Variants in ADGRL4 observed in about 807,000 individuals in gnomAD.
ADGRL4 encodes the protein adhesion G protein-coupled receptor L4.
ADGRL4 carries 90 observed loss-of-function variants against 74.8 expected under a neutral mutation model. The observed-to-expected ratio is 1.20, with a 90% CI of 1.02 to 1.43. The LOEUF is 1.43. Ranked by LOEUF, ADGRL4 falls within the 40% of genes most tolerant of loss-of-function variation. The probability of loss-of-function intolerance (pLI) is 0.00; values close to 1 mark genes in which losing one functional copy is unlikely to be tolerated. For synonymous variants in ADGRL4, 311 were observed against 279.2 expected (o/e 1.11, Z -1.14); for missense variants, 881 against 814.3 (o/e 1.08, Z -1.00).
chr1:78,909,512 C>G (rs1013670067), intron 12 of ADGRL4, among the ~76,000 whole-genome samples: 1 of 151,846 alleles, frequency 6.6e-6, no homozygotes, highest in Non-Finnish European at 1.5e-5. Context: ...ATAGCACAGA[C>G]AGGACAGCCT....
chr1:78,949,409 G>A (rs897038470), intron 2 of ADGRL4, among the ~76,000 whole-genome samples: 2 of 152,180 alleles, frequency 1.3e-5, no homozygotes, highest in Non-Finnish European at 1.5e-5. Flanking sequence ...AATTTGGAAA[G>A]AAAAATATTT....
At chr1:78,924,830 C>T (rs990619855) in intron 8 of ADGRL4, among the ~76,000 whole-genome samples, 6 of 151,900 alleles carry the variant, frequency 3.9e-5, no homozygotes, top group African/African-American at 9.7e-5. Context: ...TAAGCATGAG[C>T]GGATGGATAG....
At chr1:78,892,059 T>C (rs1407778693) in intron 13 of ADGRL4, among the ~76,000 whole-genome samples, 2 of 152,012 alleles carry the variant, frequency 1.3e-5, no homozygotes, top group African/African-American at 4.8e-5. Context: ...GTAAGACATA[T>C]ATCTGTTAGG....
At chr1:78,976,393 T>C (rs1323492743) in intron 2 of ADGRL4, among the ~76,000 whole-genome samples, 1 of 151,890 alleles carries the variant, frequency 6.6e-6, no homozygotes, top group Non-Finnish European at 1.5e-5. Context: ...AGTATTTTTT[T>C]CACTTGTTAA....
At chr1:78,978,631 C>T (rs1399952720) in intron 2 of ADGRL4, among the ~76,000 whole-genome samples, 1 of 151,832 alleles carries the variant, frequency 6.6e-6, no homozygotes, top group Non-Finnish European at 1.5e-5. Context: ...TTACCATACG[C>T]ACAAGAGCAG....
Position 78,891,626 on chromosome 1 carries a change from GAGAACCCCAA to G in ADGRL4, c.1898_1907del (p.Phe633SerfsTer54). 3.7e-6 allele frequency: 6 copies of G among 1,613,462 alleles called. No individual in the cohort carries two copies. The highest frequency in any genetic ancestry group is 5.1e-6 in the Non-Finnish European group (6 of 1,179,690). ...TAACCACTGATGCGTGCACAACATG[GAGAACCCCAA>G]AGATCCAGGTGGTGCCGAGAAGGAA... On this transcript the variant is annotated frameshift_variant, in exon 14 of 15. Transcript: ENST00000370742. LOFTEE classifies it high-confidence loss of function.
At chr1:79,006,610 G>T (rs1402729281) in intron 1 of ADGRL4, 23 bp downstream of exon 1, 5 of 1,535,752 alleles carry the variant, frequency 3.3e-6, no homozygotes, top group Non-Finnish European at 4.4e-6. Context: ...CGACCTCGGC[G>T]ACCAGGGGCG....
chr1:78,994,501 C>T (rs1204426288), intron 2 of ADGRL4, among the ~76,000 whole-genome samples: 4 of 152,114 alleles, frequency 2.6e-5, no homozygotes, highest in Non-Finnish European at 5.9e-5. Flanking sequence ...TAAGAACTAG[C>T]CATTCTCCTC....
chr1:78,890,922 T>C lies in ADGRL4; in HGVS notation c.*232A>G. On this transcript the variant is annotated 3_prime_UTR_variant, in exon 15 of 15. Transcript: ENST00000370742. ...CCAATTACTTTCCAAATATCTGCAA[T>C]ACTATTTTTGACAGAACTATTTCAC... 2.0e-6 allele frequency: 1 copy of C among 508,514 alleles called. No homozygotes were observed. Among genetic ancestry groups the C allele is most frequent in the Non-Finnish European group, 3.6e-6 (1 of 280,750 alleles). The allele number at this position is 508,514 out of a possible 1,614,324, so 31.5% of individuals were successfully genotyped here.
At chr1:78,981,694 T>C (rs1341569174) in intron 2 of ADGRL4, among the ~76,000 whole-genome samples, 1 of 151,834 alleles carries the variant, frequency 6.6e-6, no homozygotes, top group African/African-American at 2.4e-5. Context: ...CAGAAATAAA[T>C]AAAGTTCTAT....
Position 79,005,226 on chromosome 1 carries a change from A to G in ADGRL4, c.23-7T>C. On this transcript the variant is annotated splice_region_variant and splice_polypyrimidine_tract_variant and intron_variant, in intron 1 of 14. Transcript: ENST00000370742. ...AACAAAGTGGAAAAAACCACTAAATAAAATAGAGAAATACACCTTTTCAAA... is the reference window on the plus strand; with the variant it reads ...AACAAAGTGGAAAAAACCACTAAATGAAATAGAGAAATACACCTTTTCAAA... The G allele has an allele frequency of 6.3e-7, 1 of 1,598,336 alleles. No individual in the cohort carries two copies. Among genetic ancestry groups the G allele is most frequent in the Non-Finnish European group, 8.5e-7 (1 of 1,172,558 alleles).
At chr1:78,991,115 A>G (rs995856532) in intron 2 of ADGRL4, among the ~76,000 whole-genome samples, 4 of 152,062 alleles carry the variant, frequency 2.6e-5, no homozygotes, top group Non-Finnish European at 5.9e-5. Context: ...TAAATGTTAA[A>G]TACAACTTCA....
chr1:79,006,306 C>T (rs759056445), intron 1 of ADGRL4, among the ~76,000 whole-genome samples: 14 of 152,152 alleles, frequency 9.2e-5, no homozygotes, highest in Non-Finnish European at 1.8e-4. Flanking sequence ...GCCCGGCAAT[C>T]CCCTTAAAAT....
chr1:78,969,091 T>C (rs563363491), intron 2 of ADGRL4, among the ~76,000 whole-genome samples: 46 of 152,234 alleles, frequency 3.0e-4, no homozygotes, highest in Admixed American at 3.3e-4. Flanking sequence ...TTTTGAACTA[T>C]TTACAGCCTT....
In ADGRL4 at chr1:78,891,678, C is replaced by T. The variant is rs747533033; in HGVS notation, c.1856G>A (p.Gly619Glu). 6.2e-7 allele frequency: 1 copy of T among 1,611,520 alleles called. No homozygotes were observed. The highest frequency in any genetic ancestry group is 1.7e-5 in the Admixed American group (1 of 59,612). ...GAGAAGGAACAGAAGAGCGAGGGCT[C>T]CTCTTGCACAAGACCTATCACATAT... is the stretch of plus-strand genomic sequence containing the variant. The part of the protein sequence containing the change: ...CFENIRSCAR[G>E]ALALLFLLGT... Residue 619 changes from glycine to glutamate, a missense_variant, in exon 14 of 15, where the codon GGA (glycine) becomes GAA (glutamate). Coordinates refer to ENST00000370742, the MANE Select transcript of ADGRL4 (RefSeq NM_022159.4).
rs774151358 is a variant in ADGRL4 at position 79,006,654 on chromosome 1, T to TTGGCGGTGGCCGCAGTGG, written c.-18_-1dup. The TTGGCGGTGGCCGCAGTGG allele has an allele frequency of 2.3e-5, 35 of 1,507,462 alleles. No homozygotes were observed. The highest frequency in any genetic ancestry group is 8.1e-5 in the East Asian group (3 of 37,176). 93.4% of individuals were successfully genotyped at this position (1,507,462 alleles called of 1,614,324 possible). On this transcript the variant is annotated 5_prime_UTR_variant, in exon 1 of 15. Transcript: ENST00000370742. ...TCACCTAGGAGCGGGAGGCGTTTCA[T>TTGGCGGTGGCCGCAGTGG]TGGCGGTGGCCGCAGTGGTGGCGGT...
At position 78,921,754 on chromosome 1, in the gene ADGRL4, A is replaced by C. The variant is rs1649005296; in HGVS notation, c.1116T>G (p.Phe372Leu). The change falls in exon 9 of 15, where the codon TTT becomes TTG. Residue 372 changes from phenylalanine to leucine, a missense_variant. Transcript: ENST00000370742. Reference sequence around the variant, plus strand: ...TCATGGTATCAGGTGAGTAATTCCAAAATGCACATAGACTCCTATACCTAT... The same window carrying C: ...TCATGGTATCAGGTGAGTAATTCCACAATGCACATAGACTCCTATACCTAT... The part of the protein sequence containing the change: ...VTDRYRSLCA[F>L]WNYSPDTMNG... 1.3e-6 allele frequency: 2 copies of C among 1,597,020 alleles called. No individual in the cohort carries two copies. Among genetic ancestry groups the C allele is most frequent in the South Asian group, 2.3e-5 (2 of 88,678 alleles).
At chr1:78,958,293 T>C (rs1557512588) in intron 2 of ADGRL4, among the ~76,000 whole-genome samples, 1 of 152,140 alleles carries the variant, frequency 6.6e-6, no homozygotes, top group Admixed American at 6.6e-5. Context: ...ATTTAAGAAA[T>C]ACACTTTTAT....
intron 12 of ADGRL4, among the ~76,000 whole-genome samples, chr1:78,901,954 G>A (rs1010870675): frequency 6.6e-6 from 1 of 151,968 alleles, no homozygotes; most frequent in African/African-American, 2.4e-5. Flanking sequence ...CTACAATTAT[G>A]TGAAAAAAAT....
Sources: allele counts gnomAD v4.1 joint callset (sites outside exome capture counted in the v4.1 genomes callset), GRCh38; gene constraint gnomAD v4.1.1; transcripts MANE v1.5; gene names NCBI Gene and HGNC (gene_info 2026-07-23, HGNC 2026-07-21).